ABLIM2: variants seen among roughly 807,000 people sequenced by gnomAD.
ABLIM2 encodes the protein actin binding LIM protein family member 2.
Under a neutral mutation model 97.7 loss-of-function variants are expected in ABLIM2, and 53 were observed. The observed-to-expected ratio is 0.54, with a 90% CI of 0.44 to 0.68. ABLIM2 has a LOEUF of 0.68. Among genes scored for constraint, ABLIM2 ranks in the 30% least tolerant of loss-of-function variants. The pLI, the probability that ABLIM2 is intolerant of heterozygous loss-of-function variation, is 0.00. For missense variants in ABLIM2, 835 were observed against 867.2 expected (o/e 0.96, Z 0.47); for synonymous variants, 361 against 345.8 (o/e 1.04, Z -0.49).
chr4:7,999,909 C>T lies in ABLIM2; in HGVS notation c.1619-6982G>A, dbSNP rs536434666. Reference sequence around the variant, plus strand: ...TGAGCCTCTTCTCCACAGGTCTGTCCTCTTCCAGGCTGGCTCATCAGAGGT... The same window carrying T: ...TGAGCCTCTTCTCCACAGGTCTGTCTTCTTCCAGGCTGGCTCATCAGAGGT... On this transcript the variant is annotated intron_variant, in intron 16 of 20. Coordinates refer to ENST00000447017, the MANE Select transcript of ABLIM2 (RefSeq NM_001130083.2). The surrounding 1 kb of genome is among the most constrained non-coding windows in gnomAD (Gnocchi z 4.4). 8.5e-5 allele frequency among the ~76,000 whole-genome samples: 13 copies of T among 152,320 alleles called. No homozygotes were observed. In the East Asian group the frequency reaches 2.1e-3, roughly 25 times the overall value.
Position 8,020,436 on chromosome 4 carries a change from C to T in ABLIM2, c.1268-133G>A, listed in dbSNP as rs1159111164. The T allele has an allele frequency of 5.5e-5, 45 of 812,166 alleles. 1 individual carries two copies. In the Admixed American group the frequency reaches 9.0e-4, roughly 16 times the overall value. The allele number at this position is 812,166 out of a possible 1,614,324, so 50.3% of individuals were successfully genotyped here. ...TGGTGGAGCAGCCCAGATCCCCTGC[C>T]CAGGGGAAGGAGTGTGGGCCTCATC... On this transcript the variant is annotated intron_variant, in intron 12 of 20. Coordinates refer to ENST00000447017, the MANE Select transcript of ABLIM2 (RefSeq NM_001130083.2).
chr4:8,134,922 G>A (rs1282272412), intron 1 of ABLIM2, among the ~76,000 whole-genome samples: 1 of 152,258 alleles, frequency 6.6e-6, no homozygotes, highest in Non-Finnish European at 1.5e-5. Context: ...TCCACTAGGT[G>A]CACACAAGGT....
rs146805535 is a variant in ABLIM2 at position 8,123,295 on chromosome 4, C to T, written c.11-16658G>A. Reference sequence around the variant, plus strand: ...CCCCATCTCCAACTGGCATGAGAGGCGTTGTCACCCTCAGGCTGCAGGCAA... The same window carrying T: ...CCCCATCTCCAACTGGCATGAGAGGTGTTGTCACCCTCAGGCTGCAGGCAA... On this transcript the variant is annotated intron_variant, in intron 1 of 20. Transcript: ENST00000447017. This position sits in a 1 kb window ranked among gnomAD's most constrained non-coding sequence, Gnocchi z 6.2. 1.5e-3 allele frequency among the ~76,000 whole-genome samples: 234 copies of T among 152,282 alleles called. No individual in the cohort carries two copies. Among genetic ancestry groups the T allele is most frequent in the Non-Finnish European group, 2.4e-3 (165 of 68,014 alleles).
rs1846279348 is a variant in ABLIM2, at chr4:8,123,244, G to C, written c.11-16607C>G. ...CCCTGCCTGGCCCTCCCCTGTGCAGGCATGGTGTGGGCACAACAGCACCAG... is the reference window on the plus strand; with the variant it reads ...CCCTGCCTGGCCCTCCCCTGTGCAGCCATGGTGTGGGCACAACAGCACCAG... On this transcript the variant is annotated intron_variant, in intron 1 of 20. Transcript: ENST00000447017. This position sits in a 1 kb window ranked among gnomAD's most constrained non-coding sequence, Gnocchi z 6.2. 6.6e-6 allele frequency among the ~76,000 whole-genome samples: 1 copy of C among 152,086 alleles called. No homozygotes were observed. The highest frequency in any genetic ancestry group is 1.5e-5 in the Non-Finnish European group (1 of 68,010).
chr4:8,046,272 T>C lies in ABLIM2; in HGVS notation c.823-1031A>G, dbSNP rs1250758535. Among the ~76,000 whole-genome samples, 1 of 152,068 alleles carries C rather than the reference T, an allele frequency of 6.6e-6. No individual in the cohort carries two copies. The highest frequency in any genetic ancestry group is 2.4e-5 in the African/African-American group (1 of 41,406). On this transcript the variant is annotated intron_variant, in intron 8 of 20. Coordinates refer to ENST00000447017, the MANE Select transcript of ABLIM2 (RefSeq NM_001130083.2). This position sits in a 1 kb window ranked among gnomAD's most constrained non-coding sequence, Gnocchi z 4.4. ...TCCAGCCCTGCGGACACACTCCTTC[T>C]GTGGTCCCCACACCTCTGGCTGCAC...
At chr4:8,074,776 C>CTTTT (rs71175458) in intron 6 of ABLIM2, among the ~76,000 whole-genome samples, 3 of 105,044 alleles carry the variant, frequency 2.9e-5, no homozygotes, top group Non-Finnish European at 5.7e-5. Context: ...CCTGGTAATT[C>CTTTT]TTTTTTTTTT....
chr4:8,110,238 A>G (rs1256193623), intron 1 of ABLIM2, among the ~76,000 whole-genome samples: 1 of 152,256 alleles, frequency 6.6e-6, no homozygotes, highest in African/African-American at 2.4e-5. Context: ...CAACAAAGAG[A>G]AAAATGCACA....
At chr4:8,037,665 G>T (rs566077815) in intron 9 of ABLIM2, among the ~76,000 whole-genome samples, 9 of 152,126 alleles carry the variant, frequency 5.9e-5, no homozygotes, top group African/African-American at 2.2e-4. Flanking sequence ...TACCAAGCAA[G>T]TTCACATTCA....
chr4:7,988,669 T>C (rs1211695784), intron 17 of ABLIM2, among the ~76,000 whole-genome samples: 7 of 152,236 alleles, frequency 4.6e-5, no homozygotes, highest in Non-Finnish European at 7.3e-5. Context: ...TAATTACTCA[T>C]GTGGGAACCA....
rs1812039964 is a variant in ABLIM2, at chr4:8,071,507, C to T, written c.675+6121G>A. Among the ~76,000 whole-genome samples, 1 of 152,204 alleles carries T rather than the reference C, an allele frequency of 6.6e-6. No individual in the cohort carries two copies. The highest frequency in any genetic ancestry group is 2.4e-5 in the African/African-American group (1 of 41,456). On this transcript the variant is annotated intron_variant, in intron 6 of 20. Coordinates refer to ENST00000447017, the MANE Select transcript of ABLIM2 (RefSeq NM_001130083.2). The surrounding 1 kb of genome is among the most constrained non-coding windows in gnomAD (Gnocchi z 6.2). ...CTGCGGGCGCCAGCACTTAGGATGG[C>T]ACCATGCCCACCACACGCAGACACA... is the stretch of plus-strand genomic sequence containing the variant.
intron 20 of ABLIM2, among the ~76,000 whole-genome samples, chr4:7,979,395 G>A (rs940290809): frequency 6.6e-6 from 1 of 152,138 alleles, no homozygotes; most frequent in Non-Finnish European, 1.5e-5. Context: ...GCAAACACTC[G>A]CTGCCTGTGG....
intron 17 of ABLIM2, among the ~76,000 whole-genome samples, chr4:7,985,459 C>T (rs1743069238): frequency 6.6e-6 from 1 of 152,138 alleles, no homozygotes; most frequent in African/African-American, 2.4e-5. Context: ...TGGCACTGTG[C>T]ACGGTTGTGG....
At chr4:8,114,991 A>G (rs1225735243) in intron 1 of ABLIM2, among the ~76,000 whole-genome samples, 1 of 152,074 alleles carries the variant, frequency 6.6e-6, no homozygotes, top group Admixed American at 6.5e-5. Flanking sequence ...GCCCTCTTCC[A>G]GTTCCCCAGG....
intron 2 of ABLIM2, among the ~76,000 whole-genome samples, chr4:8,097,602 C>A (rs750834857): frequency 2.0e-4 from 31 of 152,326 alleles, no homozygotes; most frequent in Non-Finnish European, 3.5e-4. Flanking sequence ...CCTCTGTGAC[C>A]CCGCCAGGGA....
intron 10 of ABLIM2, among the ~76,000 whole-genome samples, chr4:8,034,491 TG>T: frequency 2.4e-5 from 1 of 42,358 alleles, no homozygotes; most frequent in Non-Finnish European, 4.4e-5. Context: ...TGGGTGCAGG[TG>T]GGTGGGTGGT....
intron 14 of ABLIM2, among the ~76,000 whole-genome samples, chr4:8,013,398 A>G (rs1020795805): frequency 1.3e-5 from 2 of 151,656 alleles, no homozygotes; most frequent in African/African-American, 2.4e-5. Flanking sequence ...AATTTTTTGC[A>G]TTTTTAGTTG....
intron 1 of ABLIM2, among the ~76,000 whole-genome samples, chr4:8,138,209 A>T (rs1377851152): frequency 6.6e-6 from 1 of 152,140 alleles, no homozygotes; most frequent in Non-Finnish European, 1.5e-5. Context: ...CAGTTGAGGG[A>T]GATGAAAAAG....
chr4:8,109,767 G>A (rs984294254), intron 1 of ABLIM2, among the ~76,000 whole-genome samples: 7 of 152,174 alleles, frequency 4.6e-5, no homozygotes, highest in African/African-American at 1.4e-4. Context: ...GAGATGAATG[G>A]CATGAAAAAT....
intron 1 of ABLIM2, among the ~76,000 whole-genome samples, chr4:8,116,299 T>C (rs996799723): frequency 1.3e-5 from 2 of 152,336 alleles, no homozygotes; most frequent in African/African-American, 4.8e-5. Flanking sequence ...GCTCACATCG[T>C]TTCTATGCAG....
Sources: gnomAD v4.1 joint callset for allele counts (sites outside exome capture counted in the v4.1 genomes callset) on GRCh38, gnomAD v4.1.1 for gene constraint, Gnocchi (gnomAD v3.1) non-coding constraint, MANE v1.5 for transcripts, NCBI Gene and HGNC (gene_info 2026-07-23, HGNC 2026-07-21) for gene names.